The following SPRY3 variants were observed in gnomAD, a reference collection of about 807,000 sequenced individuals.
SPRY3 encodes the protein sprouty RTK signaling antagonist 3, also known as protein sprouty homolog 3.
SPRY3 carries 15 observed loss-of-function variants against 20.2 expected under a neutral mutation model. That is an observed-to-expected ratio of 0.74 (90% confidence interval 0.50 to 1.14). The LOEUF (loss-of-function observed/expected upper bound fraction) is 1.14, where lower values mean the gene tolerates loss of function less well. Ranked by LOEUF, SPRY3 falls within the 50% of genes most tolerant of loss-of-function variation. The probability of loss-of-function intolerance (pLI) is 0.00; values close to 1 mark genes in which losing one functional copy is unlikely to be tolerated. For missense variants in SPRY3, 364 were observed against 363.9 expected, an observed-to-expected ratio of 1.00 and a Z score of 0.00; for synonymous variants, 143 against 136.5, an observed-to-expected ratio of 1.05 and a Z score of -0.33.
At chrX:155,720,136 G>A (rs1465292983) in intron 2 of SPRY3, among the ~76,000 whole-genome samples, 1 of 152,152 alleles carries the variant, frequency 6.6e-6, no homozygotes, top group Non-Finnish European at 1.5e-5. Flanking sequence ...TGGGCTCTAA[G>A]TGAACATTGA....
At chrX:155,630,751 G>A (rs1365380032) in intron 1 of SPRY3, among the ~76,000 whole-genome samples, 3 of 110,726 alleles carry the variant, frequency 2.7e-5, no homozygotes, top group African/African-American at 9.8e-5. Context: ...TGTACCTGGA[G>A]ATTTATATCT....
At chrX:155,760,014 C>A (rs1401096816) in intron 2 of SPRY3, among the ~76,000 whole-genome samples, 1 of 152,124 alleles carries the variant, frequency 6.6e-6, no homozygotes, top group Non-Finnish European at 1.5e-5. Context: ...GTGCTTTCTT[C>A]AAATATAATG....
At chrX:155,667,451 A>G (rs782707281) in intron 2 of SPRY3, among the ~76,000 whole-genome samples, 1 of 111,272 alleles carries the variant, frequency 9.0e-6, no homozygotes, top group East Asian at 2.8e-4. Context: ...CTTAACTAGG[A>G]GAAAGGACAA....
intron 2 of SPRY3, among the ~76,000 whole-genome samples, chrX:155,765,795 C>G (rs1431910635): frequency 2.0e-5 from 3 of 152,200 alleles, no homozygotes; most frequent in Admixed American, 1.3e-4. Context: ...TTGAAATCAT[C>G]TCTTGCCTCT....
At chrX:155,742,540 A>AT (rs2091208614) in intron 2 of SPRY3, among the ~76,000 whole-genome samples, 1 of 152,190 alleles carries the variant, frequency 6.6e-6, no homozygotes, top group Non-Finnish European at 1.5e-5. Context: ...TAGAATGTGC[A>AT]TCCCTTTCAA....
intron 1 of SPRY3, among the ~76,000 whole-genome samples, chrX:155,652,375 C>T (rs782747034): frequency 9.0e-6 from 1 of 110,893 alleles, no homozygotes; most frequent in South Asian, 3.8e-4. Flanking sequence ...CATTAACTAT[C>T]CCCACCTTCC....
intron 2 of SPRY3, among the ~76,000 whole-genome samples, chrX:155,741,090 G>A (rs2091202541): frequency 6.6e-6 from 1 of 152,124 alleles, no homozygotes; most frequent in Admixed American, 6.6e-5. Flanking sequence ...ATGCAAAAAA[G>A]CTAAGAATCA....
intron 2 of SPRY3, among the ~76,000 whole-genome samples, chrX:155,708,407 T>C (rs635170): frequency 0.26 from 38,564 of 151,158 alleles, 5,223 homozygotes; most frequent in African/African-American, 0.42. Context: ...CCCTTATACA[T>C]GATGAGTTAT....
At chrX:155,734,290 C>A (rs1422843467) in intron 2 of SPRY3, among the ~76,000 whole-genome samples, 1 of 151,930 alleles carries the variant, frequency 6.6e-6, no homozygotes, top group East Asian at 1.9e-4. Flanking sequence ...AATTTCCATA[C>A]TGTTGTATTT....
At chrX:155,711,271 A>G (rs989524417) in intron 2 of SPRY3, among the ~76,000 whole-genome samples, 1 of 151,778 alleles carries the variant, frequency 6.6e-6, no homozygotes, top group African/African-American at 2.4e-5. Context: ...TCAGCAGTGA[A>G]GCCAATGGGT....
intron 2 of SPRY3, among the ~76,000 whole-genome samples, chrX:155,762,124 T>A (rs1213835630): frequency 2.0e-5 from 3 of 152,132 alleles, no homozygotes; most frequent in Admixed American, 1.3e-4. Context: ...CTCATTATCT[T>A]CCCTATTTAT....
At chrX:155,752,588 G>GA (rs1314993314) in intron 2 of SPRY3, among the ~76,000 whole-genome samples, 1 of 151,262 alleles carries the variant, frequency 6.6e-6, no homozygotes, top group African/African-American at 2.4e-5. Context: ...AGAAAAAATA[G>GA]AAAAAATGGA....
intron 1 of SPRY3, among the ~76,000 whole-genome samples, chrX:155,628,389 G>A (rs782571641): frequency 8.9e-5 from 10 of 112,111 alleles, no homozygotes; most frequent in East Asian, 2.8e-4. Context: ...TCATCAGAGC[G>A]AACAGGCAAC....
At chrX:155,762,811 C>CA (rs1046251446) in intron 2 of SPRY3, among the ~76,000 whole-genome samples, 4 of 151,760 alleles carry the variant, frequency 2.6e-5, no homozygotes, top group Non-Finnish European at 5.9e-5. Context: ...GGAGGTTTCT[C>CA]AAAAAAAACT....
chrX:155,768,759 G>A (rs766162947), intron 3 of SPRY3, among the ~76,000 whole-genome samples: 1 of 152,334 alleles, frequency 6.6e-6, no homozygotes, highest in East Asian at 1.9e-4. Context: ...TGTCAAAAGT[G>A]AGAACCTGTG....
intron 1 of SPRY3, among the ~76,000 whole-genome samples, chrX:155,651,899 A>G (rs2067978586): frequency 8.9e-6 from 1 of 111,889 alleles, no homozygotes; most frequent in South Asian, 3.7e-4. Flanking sequence ...GGTAACTTAT[A>G]AAGAAAAGAG....
chrX:155,767,742 G>GGAGGAGGAGAAAGAC, intron 2 of SPRY3: 1 of 128,436 alleles, frequency 7.8e-6, no homozygotes, highest in South Asian at 2.4e-4. Context: ...AGGAGAGAGA[G>GGAGGAGGAGAAAGAC]GAGGAGGAGG....
intron 2 of SPRY3, among the ~76,000 whole-genome samples, chrX:155,673,404 C>G (rs1190541114): frequency 9.0e-6 from 1 of 111,325 alleles, no homozygotes; most frequent in Non-Finnish European, 1.9e-5. Flanking sequence ...TTGAAAAGTG[C>G]TAATATTGCT....
intron 2 of SPRY3, among the ~76,000 whole-genome samples, chrX:155,725,322 G>T (rs1430141064): frequency 1.3e-5 from 2 of 152,162 alleles, no homozygotes; most frequent in Non-Finnish European, 2.9e-5. Context: ...TCAGGATGAT[G>T]CTGACCTCAT....
Sources: allele counts gnomAD v4.1 joint callset (sites outside exome capture counted in the v4.1 genomes callset), GRCh38; gene constraint gnomAD v4.1.1; transcripts MANE v1.5; gene names NCBI Gene and HGNC (gene_info 2026-07-23, HGNC 2026-07-21).